DRC10: variants seen among roughly 807,000 people sequenced by gnomAD.
DRC10 encodes dynein regulatory complex subunit 10.
the DRC10 span, among the ~76,000 whole-genome samples, chr12:113,219,039 T>C: frequency 1.3e-5 from 2 of 152,146 alleles, no homozygotes; most frequent in Non-Finnish European, 2.9e-5. Flanking sequence ...TTTTTTGTTT[T>C]ATTTATTTAT....
At chr12:113,217,812 G>A in the DRC10 span, among the ~76,000 whole-genome samples, 2 of 152,118 alleles carry the variant, frequency 1.3e-5, no homozygotes, top group African/African-American at 2.4e-5. Flanking sequence ...AATTGCAAGC[G>A]TGAGCCACTG....
chr12:113,219,683 T>A, the DRC10 span, among the ~76,000 whole-genome samples: 1 of 152,148 alleles, frequency 6.6e-6, no homozygotes, highest in Non-Finnish European at 1.5e-5. Context: ...TTTTATATAT[T>A]TTTTTGAGAC....
chr12:113,214,531 GA>G, the DRC10 span, among the ~76,000 whole-genome samples: 1 of 146,632 alleles, frequency 6.8e-6, no homozygotes, highest in Non-Finnish European at 1.5e-5. Context: ...AAAAAAAAGA[GA>G]AAAAAAGAGA....
chr12:113,203,130 A>T, the DRC10 span: 1 of 422,852 alleles, frequency 2.4e-6, no homozygotes, highest in Non-Finnish European at 4.8e-6. Flanking sequence ...GGCGCAAGTG[A>T]TCCTCCCACC....
the DRC10 span, among the ~76,000 whole-genome samples, chr12:113,219,989 G>T: frequency 1.3e-5 from 2 of 152,076 alleles, no homozygotes; most frequent in Non-Finnish European, 2.9e-5. Context: ...TGTATTTTTA[G>T]TAGAGACAGG....
the DRC10 span, among the ~76,000 whole-genome samples, chr12:113,211,849 T>A: frequency 6.6e-6 from 1 of 151,898 alleles, no homozygotes; most frequent in Non-Finnish European, 1.5e-5. Context: ...GAAGATTCCT[T>A]GAGCCCAGGA....
chr12:113,206,871 G>A, the DRC10 span, among the ~76,000 whole-genome samples: 1 of 152,054 alleles, frequency 6.6e-6, no homozygotes, highest in Non-Finnish European at 1.5e-5. Context: ...ACCAACCTGG[G>A]CAACGTAGCA....
At chr12:113,207,957 C>T in the DRC10 span, 12 of 1,613,910 alleles carry the variant, frequency 7.4e-6, no homozygotes, top group Middle Eastern at 3.3e-4. Context: ...ATGCCACATA[C>T]GACAGCAAGG....
chr12:113,197,166 G>A, the DRC10 span, among the ~76,000 whole-genome samples: 5 of 150,722 alleles, frequency 3.3e-5, no homozygotes, highest in Admixed American at 2.0e-4. Flanking sequence ...CAGTGTCAGA[G>A]TGTCAGGCCC....
the DRC10 span, chr12:113,203,120 G>A: frequency 7.0e-6 from 3 of 428,952 alleles, no homozygotes; most frequent in African/African-American, 6.1e-5. Flanking sequence ...CTGCCTTCTG[G>A]GCGCAAGTGA....
At chr12:113,200,394 A>G in the DRC10 span, 1 of 701,350 alleles carries the variant, frequency 1.4e-6, no homozygotes, top group South Asian at 1.5e-5. Flanking sequence ...GCCTCCCAGG[A>G]GACACTGGCT....
At chr12:113,215,289 C>A in the DRC10 span, among the ~76,000 whole-genome samples, 1 of 152,198 alleles carries the variant, frequency 6.6e-6, no homozygotes, top group Non-Finnish European at 1.5e-5. Context: ...CCTCTCTAAG[C>A]CTTGACGTTC....
At chr12:113,195,456 A>G in the DRC10 span, 1 of 1,422,306 alleles carries the variant, frequency 7.0e-7, no homozygotes, top group East Asian at 2.5e-5. Flanking sequence ...TGTGGCTTCA[A>G]ATACTTTTTA....
the DRC10 span, among the ~76,000 whole-genome samples, chr12:113,211,167 G>A: frequency 0.063 from 9,573 of 152,130 alleles, 379 homozygotes; most frequent in Middle Eastern, 0.078. Flanking sequence ...CTGCAACCTC[G>A]ACTTCCTGGG....
At chr12:113,207,854 C>T in the DRC10 span, 74 of 1,614,040 alleles carry the variant, frequency 4.6e-5, no homozygotes, top group Admixed American at 6.7e-5. Context: ...AGGCACCTGA[C>T]GTTTTCAAGG....
chr12:113,196,390 G>A, the DRC10 span, among the ~76,000 whole-genome samples: 1 of 152,254 alleles, frequency 6.6e-6, no homozygotes, highest in African/African-American at 2.4e-5. Flanking sequence ...GGCCTCAAAC[G>A]GAGTCCCAGA....
the DRC10 span, chr12:113,197,494 A>T: frequency 7.8e-7 from 1 of 1,281,166 alleles, no homozygotes; most frequent in South Asian, 1.3e-5. Flanking sequence ...CATTCCTAGA[A>T]GGTCTTGGGA....
At chr12:113,206,239 A>T in the DRC10 span, 1 of 152,064 alleles carries the variant, frequency 6.6e-6, no homozygotes, top group Non-Finnish European at 1.5e-5. Context: ...AAAAAAAAGA[A>T]ATCAATATAC....
chr12:113,213,759 G>A, the DRC10 span, among the ~76,000 whole-genome samples: 4 of 152,184 alleles, frequency 2.6e-5, no homozygotes, highest in Non-Finnish European at 5.9e-5. Flanking sequence ...AGGAGTTTGA[G>A]ACCAACCTGG....
Sources: gnomAD v4.1 joint callset for allele counts (sites outside exome capture counted in the v4.1 genomes callset) on GRCh38, gnomAD v4.1.1 for gene constraint, MANE v1.5 for transcripts, NCBI Gene and HGNC (gene_info 2026-07-23, HGNC 2026-07-21) for gene names.